PTPRT: variants seen among roughly 807,000 people sequenced by gnomAD.
The protein encoded by PTPRT is protein tyrosine phosphatase receptor type T, also known as receptor-type tyrosine-protein phosphatase T.
A neutral mutation model predicts 176.8 loss-of-function variants in PTPRT; 56 were observed. That is an observed-to-expected ratio of 0.32 (90% CI 0.26 to 0.40). The LOEUF is 0.40. Ranked by LOEUF, PTPRT falls within the 10% of genes least tolerant of loss-of-function variation. PTPRT has a pLI of 1.00. For synonymous variants in PTPRT, 783 were observed against 739.0 expected (o/e 1.06, Z -0.96); for missense variants, 1,540 against 1,908.2 (o/e 0.81, Z 3.60).
chr20:42,150,772 T>C (rs936206145), intron 17 of PTPRT, among the ~76,000 whole-genome samples: 1 of 152,192 alleles, frequency 6.6e-6, no homozygotes, highest in African/African-American at 2.4e-5. Flanking sequence ...AGGATTTAAC[T>C]ATACAGAAGT....
At chr20:43,029,093 C>CCTAA (rs1157027037) in intron 1 of PTPRT, among the ~76,000 whole-genome samples, 2 of 152,196 alleles carry the variant, frequency 1.3e-5, no homozygotes, top group Non-Finnish European at 2.9e-5. Context: ...AATTTCCTCT[C>CCTAA]CTAACCATGA....
intron 7 of PTPRT, among the ~76,000 whole-genome samples, chr20:42,483,211 G>A (rs1190439253): frequency 1.3e-5 from 2 of 152,094 alleles, no homozygotes; most frequent in Non-Finnish European, 2.9e-5. Flanking sequence ...TGTCACCCAG[G>A]CTGGAGTTCA....
intron 7 of PTPRT, among the ~76,000 whole-genome samples, chr20:42,482,751 C>A (rs752143431): frequency 2.0e-5 from 3 of 152,160 alleles, no homozygotes; most frequent in Non-Finnish European, 2.9e-5. Context: ...CTTGATCTTT[C>A]CTGATCTTTC....
chr20:42,145,840 C>G (rs1388580426), intron 17 of PTPRT, among the ~76,000 whole-genome samples: 1 of 152,166 alleles, frequency 6.6e-6, no homozygotes, highest in African/African-American at 2.4e-5. Context: ...CGCCCTTAGA[C>G]AAACATCCTG....
rs150215455 is a variant in PTPRT at position 42,529,909 on chromosome 20, C to T, written c.1154-57347G>A. On this transcript the variant is annotated intron_variant, in intron 7 of 30. Coordinates refer to ENST00000373187, the MANE Select transcript of PTPRT (RefSeq NM_007050.6). ...GTTTTGTCCTTTGGGCATACAACTG[C>T]CTTTTTATTGAAACATTACTACCTG... Among the ~76,000 whole-genome samples, 1,128 of 151,808 alleles carry T rather than the reference C, an allele frequency of 7.4e-3. 12 individuals carry two copies. Among genetic ancestry groups the T allele is most frequent in the African/African-American group, 0.026 (1,068 of 41,378 alleles).
intron 13 of PTPRT, among the ~76,000 whole-genome samples, chr20:42,276,215 A>G (rs2057027033): frequency 6.6e-6 from 1 of 151,826 alleles, no homozygotes; most frequent in South Asian, 2.1e-4. Context: ...AAAGAATACT[A>G]TTGCTCTGCA....
intron 6 of PTPRT, among the ~76,000 whole-genome samples, chr20:42,698,289 C>T (rs1208430588): frequency 6.6e-6 from 1 of 152,100 alleles, no homozygotes; most frequent in Non-Finnish European, 1.5e-5. Flanking sequence ...GTAACCAGTT[C>T]CTTTACAGAC....
At chr20:42,171,218 T>C (rs1294708679) in intron 16 of PTPRT, among the ~76,000 whole-genome samples, 1 of 152,120 alleles carries the variant, frequency 6.6e-6, no homozygotes, top group Non-Finnish European at 1.5e-5. Flanking sequence ...TAGTCAAGGA[T>C]GTGAGTCCAG....
At chr20:42,647,912 A>G (rs1259639881) in intron 7 of PTPRT, among the ~76,000 whole-genome samples, 1 of 152,178 alleles carries the variant, frequency 6.6e-6, no homozygotes, top group Non-Finnish European at 1.5e-5. Flanking sequence ...ATCATTAAGT[A>G]ATAACAAAGT....
intron 1 of PTPRT, among the ~76,000 whole-genome samples, chr20:42,990,909 G>C (rs188593762): frequency 2.0e-5 from 3 of 152,186 alleles, no homozygotes; most frequent in East Asian, 1.9e-4. Context: ...TATGTGAAGT[G>C]GACAGTATTG....
chr20:42,544,180 C>A (rs1367491090), intron 7 of PTPRT, among the ~76,000 whole-genome samples: 4 of 152,192 alleles, frequency 2.6e-5, no homozygotes, highest in African/African-American at 9.7e-5. Context: ...TCCTAGATGG[C>A]ATCTTCTTCC....
chr20:42,402,503 A>AAAAAT, intron 9 of PTPRT, among the ~76,000 whole-genome samples: 1 of 150,182 alleles, frequency 6.7e-6, no homozygotes, highest in Non-Finnish European at 1.5e-5. Context: ...AAAAAAAAAA[A>AAAAAT]AAAAAGGAAA....
At chr20:42,712,920 T>A (rs1278558335) in intron 6 of PTPRT, among the ~76,000 whole-genome samples, 1 of 152,168 alleles carries the variant, frequency 6.6e-6, no homozygotes, top group Non-Finnish European at 1.5e-5. Flanking sequence ...TGATGGTGCG[T>A]GCATACAATG....
Position 42,225,392 on chromosome 20 carries a change from C to T in PTPRT, c.2342+10837G>A, listed in dbSNP as rs542119460. Among the ~76,000 whole-genome samples the T allele has an allele frequency of 1.1e-4, 17 of 152,248 alleles. No individual in the cohort carries two copies. In the South Asian group the frequency reaches 3.5e-3, roughly 32 times the overall value. On this transcript the variant is annotated intron_variant, in intron 15 of 30. Coordinates refer to ENST00000373187, the MANE Select transcript of PTPRT (RefSeq NM_007050.6). ...TTAAGATAATCCCATGAATTGAACA[C>T]TACCATTCCCATTTTACAGATGAGA... is the stretch of plus-strand genomic sequence containing the variant.
In PTPRT at chr20:42,472,315, G is replaced by C; in HGVS notation, c.1401C>G (p.Pro467=). Residue 467 remains proline, a synonymous_variant, in exon 8 of 31, where the codon CCC becomes CCG. Transcript: ENST00000373187. ...TIRLRLLLSN[P]EGRMESEELV... is the part of the protein sequence containing the mutation. ...GCTCCTCGCTCTCCATTCGGCCCTC[G>C]GGGTTAGACAGCAAGAGTCGCAGCC... 6.2e-7 allele frequency: 1 copy of C among 1,614,186 alleles called. No individual in the cohort carries two copies. The highest frequency in any genetic ancestry group is 8.5e-7 in the Non-Finnish European group (1 of 1,180,044).
the PTPRT span, among the ~76,000 whole-genome samples, chr20:42,043,777 T>C: frequency 6.6e-6 from 1 of 152,216 alleles, no homozygotes; most frequent in Non-Finnish European, 1.5e-5. Flanking sequence ...CTTACAGTGA[T>C]GTTGGACAAT....
chr20:42,417,497 T>C (rs1371456738), intron 9 of PTPRT, among the ~76,000 whole-genome samples: 2 of 152,022 alleles, frequency 1.3e-5, no homozygotes, highest in Non-Finnish European at 2.9e-5. Flanking sequence ...AACTTAAATA[T>C]ATATTTTGCT....
intron 2 of PTPRT, among the ~76,000 whole-genome samples, chr20:42,876,005 T>C (rs1180105098): frequency 6.6e-6 from 1 of 152,220 alleles, no homozygotes; most frequent in Non-Finnish European, 1.5e-5. Context: ...TCTCTATTAC[T>C]ATTACCACAT....
At chr20:42,089,920 C>T (rs1019998504) in intron 27 of PTPRT, among the ~76,000 whole-genome samples, 1 of 152,214 alleles carries the variant, frequency 6.6e-6, no homozygotes. Context: ...TAGCTCAAGA[C>T]TGTCCTGGTG....
Sources: allele counts gnomAD v4.1 joint callset (sites outside exome capture counted in the v4.1 genomes callset), GRCh38; gene constraint gnomAD v4.1.1; transcripts MANE v1.5; gene names NCBI Gene and HGNC (gene_info 2026-07-23, HGNC 2026-07-21).